RNF32: variants seen among roughly 807,000 people sequenced by gnomAD.
RNF32 encodes the protein ring finger protein 32.
RNF32 carries 36 observed loss-of-function variants against 41.0 expected under a neutral mutation model. That is an observed-to-expected ratio of 0.88 (90% confidence interval 0.67 to 1.16). The LOEUF is 1.16. Among genes scored for constraint, RNF32 ranks in the 50% most tolerant of loss-of-function variants. The pLI, the probability that RNF32 is intolerant of heterozygous loss-of-function variation, is 0.00. For synonymous variants in RNF32, 154 were observed against 160.9 expected (o/e 0.96, Z 0.32); for missense variants, 413 against 436.7 (o/e 0.95, Z 0.48).
At position 156,669,659 on chromosome 7, in the gene RNF32, G is replaced by T. The variant is rs1802033846; in HGVS notation, c.685-6037G>T. ...ACGTGAACACTGGAAACTGCCCTCA[G>T]AGCCCCGGGGATGCGAGGTCAGCAG... On this transcript the variant is annotated intron_variant, in intron 7 of 8. Coordinates refer to ENST00000317955, the MANE Select transcript of RNF32 (RefSeq NM_030936.4). This position sits in a 1 kb window ranked among gnomAD's most constrained non-coding sequence, Gnocchi z 4.2. Among the ~76,000 whole-genome samples, 1 of 152,224 alleles carries T rather than the reference G, an allele frequency of 6.6e-6. No individual in the cohort carries two copies. Among genetic ancestry groups the T allele is most frequent in the Admixed American group, 6.5e-5 (1 of 15,290 alleles).
At position 156,649,747 on chromosome 7, in the gene RNF32, G is replaced by T. The variant is rs80325500; in HGVS notation, c.275-4829G>T. On this transcript the variant is annotated intron_variant, in intron 3 of 8. Coordinates refer to ENST00000317955, the MANE Select transcript of RNF32 (RefSeq NM_030936.4). ...TGACAGACTCTGATGTTGAATCTTC[G>T]TGCATAGCTTGAATAAACCCTACTT... 4.6e-5 allele frequency among the ~76,000 whole-genome samples: 7 copies of T among 152,136 alleles called. No homozygotes were observed. In the East Asian group the frequency reaches 7.7e-4, roughly 17 times the overall value.
At chr7:156,674,064 C>A (rs1050136941) in intron 7 of RNF32, among the ~76,000 whole-genome samples, 4 of 152,182 alleles carry the variant, frequency 2.6e-5, no homozygotes, top group African/African-American at 9.7e-5. Context: ...CTTCTTTGTG[C>A]TTCAAGCCGG....
At position 156,675,829 on chromosome 7, in the gene RNF32, T is replaced by TGG. The variant is rs1399555256; in HGVS notation, c.818_819insGG (p.Ile273MetfsTer63). ...TTGGAAGAAAAATGTGGCCATGAGA[T>TGG]CACAGAAGAGGAATGGGAGAAAATC... On this transcript the variant is annotated frameshift_variant, in exon 8 of 9. Transcript: ENST00000317955. LOFTEE classifies it low-confidence loss of function (END_TRUNC). 1 of 1,613,854 alleles carries TGG rather than the reference T, an allele frequency of 6.2e-7. No individual in the cohort carries two copies. Among genetic ancestry groups the TGG allele is most frequent in the African/African-American group, 1.3e-5 (1 of 74,918 alleles).
chr7:156,668,584 T>G (rs1801752090), intron 7 of RNF32, among the ~76,000 whole-genome samples: 1 of 152,218 alleles, frequency 6.6e-6, no homozygotes, highest in African/African-American at 2.4e-5. Context: ...ACTGGCTGCA[T>G]CTGCCCAGAG....
Position 156,675,752 on chromosome 7 carries a change from C to CTTTGCAGAAAT in RNF32, c.742_752dup (p.Asp252LeufsTer10). The stretch of plus-strand genomic sequence containing the variant: ...CATACAACACCAACATTGAAGAGCT[C>CTTTGCAGAAAT]TTTGCAGAAATCGATCAGTGCTTGG... On this transcript the variant is annotated frameshift_variant, in exon 8 of 9. Transcript: ENST00000317955. LOFTEE classifies it high-confidence loss of function. The CTTTGCAGAAAT allele has an allele frequency of 6.2e-7, 1 of 1,614,058 alleles. No individual in the cohort carries two copies. Among genetic ancestry groups the CTTTGCAGAAAT allele is most frequent in the Non-Finnish European group, 8.5e-7 (1 of 1,179,966 alleles).
intron 7 of RNF32, among the ~76,000 whole-genome samples, chr7:156,673,257 A>T (rs1802986932): frequency 6.6e-6 from 1 of 152,208 alleles, no homozygotes; most frequent in Admixed American, 6.5e-5. Context: ...CTTGCTTTTC[A>T]GGCATATGTG....
At chr7:156,660,391 AAGATGATCTC>A in intron 7 of RNF32, 1 of 651,952 alleles carries the variant, frequency 1.5e-6, no homozygotes, top group Non-Finnish European at 1.9e-6. Context: ...TGGGGCTTTT[AAGATGATCTC>A]AGATGATTTC....
Position 156,670,399 on chromosome 7 carries a change from AAG to A in RNF32, c.685-5292_685-5291del, listed in dbSNP as rs1466398786. 6.6e-6 allele frequency among the ~76,000 whole-genome samples: 1 copy of A among 152,202 alleles called. No individual in the cohort carries two copies. Among genetic ancestry groups the A allele is most frequent in the Non-Finnish European group, 1.5e-5 (1 of 68,044 alleles). Reference sequence around the variant, plus strand: ...GCGGGTCCAGGGAAGTGACTTGCCTAAGAGAGGATGTGGCGCAGGATGTCACT... The same window carrying A: ...GCGGGTCCAGGGAAGTGACTTGCCTAAGAGGATGTGGCGCAGGATGTCACT... On this transcript the variant is annotated intron_variant, in intron 7 of 8. Coordinates refer to ENST00000317955, the MANE Select transcript of RNF32 (RefSeq NM_030936.4). This position sits in a 1 kb window ranked among gnomAD's most constrained non-coding sequence, Gnocchi z 4.3.
At chr7:156,674,271 G>A (rs1007975154) in intron 7 of RNF32, among the ~76,000 whole-genome samples, 1 of 152,192 alleles carries the variant, frequency 6.6e-6, no homozygotes, top group East Asian at 1.9e-4. Context: ...CCCGGGCCTG[G>A]AGAACACCCA....
intron 3 of RNF32, among the ~76,000 whole-genome samples, chr7:156,652,054 TGGA>T (rs1477133991): frequency 2.0e-5 from 3 of 152,146 alleles, no homozygotes; most frequent in African/African-American, 7.2e-5. Flanking sequence ...AGTAGCTCCC[TGGA>T]GGAGTGCGGA....
upstream of RNF32, chr7:156,640,449 C>A (rs1286681256): frequency 2.4e-5 from 9 of 371,836 alleles, no homozygotes; most frequent in Admixed American, 3.1e-4. Context: ...CGCCTGCACG[C>A]CCCCGTGCTT....
chr7:156,656,656 ACAG>A (rs886775440), intron 4 of RNF32, among the ~76,000 whole-genome samples: 1 of 152,348 alleles, frequency 6.6e-6, no homozygotes, highest in African/African-American at 2.4e-5. Flanking sequence ...AGTTTTCCCC[ACAG>A]CAGGCATCCT....
intron 7 of RNF32, among the ~76,000 whole-genome samples, chr7:156,662,066 A>T (rs936188038): frequency 6.6e-6 from 1 of 152,210 alleles, no homozygotes; most frequent in Admixed American, 6.5e-5. Flanking sequence ...CTCAGATCTC[A>T]TGTTAAATAA....
chr7:156,658,393 A>G, intron 6 of RNF32, 69 bp from the exon 7 acceptor site: 1 of 1,512,148 alleles, frequency 6.6e-7, no homozygotes, highest in Non-Finnish European at 9.2e-7. Context: ...AGGGCTTATA[A>G]CAACTACTGA....
chr7:156,672,247 T>C (rs1802701192), intron 7 of RNF32, among the ~76,000 whole-genome samples: 2 of 152,280 alleles, frequency 1.3e-5, no homozygotes, highest in South Asian at 4.2e-4. Flanking sequence ...CCTACTATGG[T>C]CGGTGCGTGT....
intron 4 of RNF32, among the ~76,000 whole-genome samples, chr7:156,656,099 T>C (rs1372708223): frequency 1.3e-5 from 2 of 152,266 alleles, no homozygotes; most frequent in Non-Finnish European, 2.9e-5. Flanking sequence ...GGCATTTTTA[T>C]AACATTTAGT....
At position 156,661,600 on chromosome 7, in the gene RNF32, TGA is replaced by T. The variant is rs769342982; in HGVS notation, c.684+3034_684+3035del. Among the ~76,000 whole-genome samples, 49 of 152,100 alleles carry T rather than the reference TGA, an allele frequency of 3.2e-4. 1 individual carries two copies. Among genetic ancestry groups the T allele is most frequent in the Admixed American group, 1.8e-3 (27 of 15,272 alleles). The stretch of plus-strand genomic sequence containing the variant: ...CCTCCCAAAGTGCTGGGATTACAGG[TGA>T]GAGCCACCATGGCCTGGCCAGGATT... On this transcript the variant is annotated intron_variant, in intron 7 of 8. Transcript: ENST00000317955.
At position 156,659,219 on chromosome 7, in the gene RNF32, C is replaced by T. The variant is rs963111742; in HGVS notation, c.684+649C>T. The T allele has an allele frequency of 7.2e-6, 8 of 1,117,712 alleles. No individual in the cohort carries two copies. In the East Asian group the frequency reaches 1.7e-4, roughly 24 times the overall value. 69.2% of individuals were successfully genotyped at this position (1,117,712 alleles called of 1,614,324 possible). A position where few individuals can be genotyped will look rare whatever the true frequency, so the allele number is the denominator to read the frequency against. ...TGTCATATGAAAGCCATCACTTCTT[C>T]CTGGCAGTGTTGGCCTGAGAAGAGC... On this transcript the variant is annotated intron_variant, in intron 7 of 8. Transcript: ENST00000317955.
intron 3 of RNF32, chr7:156,646,560 G>A (rs1440841462): frequency 8.0e-7 from 1 of 1,243,816 alleles, no homozygotes; most frequent in African/African-American, 1.5e-5. Flanking sequence ...AGAGGTTCCA[G>A]GTGAATAAGA....
Sources: allele counts gnomAD v4.1 joint callset (sites outside exome capture counted in the v4.1 genomes callset), GRCh38; gene constraint gnomAD v4.1.1; non-coding constraint Gnocchi (gnomAD v3.1); transcripts MANE v1.5; gene names NCBI Gene and HGNC (gene_info 2026-07-23, HGNC 2026-07-21).